CLSTN2: variants seen among roughly 807,000 people sequenced by gnomAD.
The protein encoded by CLSTN2 is calsyntenin 2.
In CLSTN2, 48 loss-of-function variants were observed where a neutral mutation model predicts 101.2. The ratio of observed to expected loss-of-function variants is 0.47; its 90% CI spans 0.38 to 0.60. CLSTN2 has a LOEUF of 0.60. Ranked by LOEUF, CLSTN2 falls within the 20% of genes least tolerant of loss-of-function variation. CLSTN2 has a pLI of 0.00. For synonymous variants in CLSTN2, 481 were observed against 463.6 expected (o/e 1.04, Z -0.48); for missense variants, 1,160 against 1,238.2 (o/e 0.94, Z 0.95).
At chr3:139,953,231 A>C (rs1383856136) in intron 1 of CLSTN2, among the ~76,000 whole-genome samples, 1 of 152,094 alleles carries the variant, frequency 6.6e-6, no homozygotes, top group Non-Finnish European at 1.5e-5. Flanking sequence ...GGCAGGGCAT[A>C]TCTGGTACAA....
At chr3:140,562,998 C>A in intron 14 of CLSTN2, 42 bp downstream of exon 14, 1 of 1,612,094 alleles carries the variant, frequency 6.2e-7, no homozygotes, top group South Asian at 1.1e-5. Flanking sequence ...AAGGCTCACC[C>A]ATTCCCTCAT....
intron 2 of CLSTN2, among the ~76,000 whole-genome samples, chr3:140,277,600 C>T (rs369397514): frequency 9.7e-4 from 148 of 152,288 alleles, no homozygotes; most frequent in Middle Eastern, 3.4e-3. Context: ...GCACTGCATG[C>T]TGCATAATTG....
At chr3:140,205,040 G>A (rs1013447019) in intron 2 of CLSTN2, among the ~76,000 whole-genome samples, 1 of 152,118 alleles carries the variant, frequency 6.6e-6, no homozygotes, top group Non-Finnish European at 1.5e-5. Context: ...GGAAGAGGGA[G>A]GCTTATGAAA....
intron 9 of CLSTN2, among the ~76,000 whole-genome samples, chr3:140,540,118 T>G (rs1935444197): frequency 6.6e-6 from 1 of 152,152 alleles, no homozygotes; most frequent in Non-Finnish European, 1.5e-5. Context: ...TTCCTTCACG[T>G]GAAGAACAAA....
chr3:140,478,326 A>C (rs1934031239), intron 8 of CLSTN2, among the ~76,000 whole-genome samples: 2 of 131,810 alleles, frequency 1.5e-5, no homozygotes, highest in South Asian at 4.7e-4. Context: ...GAGGATGAAA[A>C]CATCCAGAAA....
intron 2 of CLSTN2, among the ~76,000 whole-genome samples, chr3:140,236,922 A>G (rs2086423373): frequency 6.6e-6 from 1 of 151,306 alleles, no homozygotes; most frequent in Non-Finnish European, 1.5e-5. Flanking sequence ...CTTCTGGAAC[A>G]TATGGAATAT....
At chr3:140,387,382 A>G (rs1399137913) in intron 2 of CLSTN2, among the ~76,000 whole-genome samples, 1 of 152,216 alleles carries the variant, frequency 6.6e-6, no homozygotes, top group African/African-American at 2.4e-5. Context: ...TTTCTTGGCA[A>G]CAAAGGCTAC....
chr3:140,171,742 T>C (rs2010226706), intron 1 of CLSTN2, among the ~76,000 whole-genome samples: 1 of 105,824 alleles, frequency 9.4e-6, no homozygotes, highest in Non-Finnish European at 1.8e-5. Context: ...AATATATTAA[T>C]ATATAATATG....
intron 1 of CLSTN2, among the ~76,000 whole-genome samples, chr3:139,978,878 T>G (rs1357149129): frequency 6.6e-6 from 1 of 152,130 alleles, no homozygotes; most frequent in Non-Finnish European, 1.5e-5. Flanking sequence ...CTCAGACAAG[T>G]GGAACATGGG....
intron 1 of CLSTN2, among the ~76,000 whole-genome samples, chr3:140,006,838 G>A (rs1452966778): frequency 6.6e-6 from 1 of 152,108 alleles, no homozygotes; most frequent in Non-Finnish European, 1.5e-5. Flanking sequence ...ATCAATAGTA[G>A]CTCTAATGAT....
intron 8 of CLSTN2, among the ~76,000 whole-genome samples, chr3:140,486,154 A>G (rs1934238403): frequency 6.6e-6 from 1 of 152,166 alleles, no homozygotes; most frequent in Non-Finnish European, 1.5e-5. Flanking sequence ...GGAAAAGACC[A>G]ATGTGTATGA....
At chr3:140,237,729 C>G (rs1384260913) in intron 2 of CLSTN2, among the ~76,000 whole-genome samples, 3 of 152,094 alleles carry the variant, frequency 2.0e-5, no homozygotes, top group Non-Finnish European at 4.4e-5. Context: ...TACCTGACAG[C>G]CAGTTTAATA....
chr3:140,114,036 C>A (rs1233366441), intron 1 of CLSTN2, among the ~76,000 whole-genome samples: 1 of 152,114 alleles, frequency 6.6e-6, no homozygotes, highest in Non-Finnish European at 1.5e-5. Context: ...AATTTACAAA[C>A]TACCTCTGAG....
intron 2 of CLSTN2, among the ~76,000 whole-genome samples, chr3:140,207,128 C>T (rs1032747072): frequency 2.0e-5 from 3 of 152,168 alleles, no homozygotes; most frequent in African/African-American, 4.8e-5. Flanking sequence ...CAGAGCCAAC[C>T]TATCACATGT....
intron 1 of CLSTN2, among the ~76,000 whole-genome samples, chr3:140,134,128 C>T (rs2009563549): frequency 6.6e-6 from 1 of 152,170 alleles, no homozygotes; most frequent in African/African-American, 2.4e-5. Context: ...AGAGCTAATT[C>T]TCACCTGGCT....
At chr3:140,006,243 G>A (rs2107749470) in intron 1 of CLSTN2, among the ~76,000 whole-genome samples, 1 of 152,240 alleles carries the variant, frequency 6.6e-6, no homozygotes, top group South Asian at 2.1e-4. Context: ...TTTTGCATGT[G>A]CAAGATACTT....
chr3:140,263,838 C>T (rs1033142351), intron 2 of CLSTN2, among the ~76,000 whole-genome samples: 10 of 152,128 alleles, frequency 6.6e-5, no homozygotes, highest in African/African-American at 2.2e-4. Flanking sequence ...TACAGTTGAA[C>T]TCTTGATAGT....
At chr3:140,126,024 TAGG>T (rs2009424341) in intron 1 of CLSTN2, among the ~76,000 whole-genome samples, 1 of 151,792 alleles carries the variant, frequency 6.6e-6, no homozygotes, top group Non-Finnish European at 1.5e-5. Context: ...GAGGAGGCGA[TAGG>T]AGGTGATGGT....
intron 4 of CLSTN2, among the ~76,000 whole-genome samples, chr3:140,411,124 C>T (rs2088358256): frequency 6.6e-6 from 1 of 152,176 alleles, no homozygotes; most frequent in Non-Finnish European, 1.5e-5. Flanking sequence ...CTAAATGCAT[C>T]TATCAAAAGG....
Sources: allele counts gnomAD v4.1 joint callset (sites outside exome capture counted in the v4.1 genomes callset), GRCh38; gene constraint gnomAD v4.1.1; transcripts MANE v1.5; gene names NCBI Gene and HGNC (gene_info 2026-07-23, HGNC 2026-07-21).